Variants in SCFD2 observed in about 807,000 individuals in gnomAD.
SCFD2 encodes sec1 family domain-containing protein 2.
A neutral mutation model predicts 58.9 loss-of-function variants in SCFD2; 54 were observed. That is an observed-to-expected ratio of 0.92 (90% CI 0.74 to 1.15). The LOEUF (loss-of-function observed/expected upper bound fraction) is 1.15, where lower values mean the gene tolerates loss of function less well. Among genes scored for constraint, SCFD2 ranks in the 50% most tolerant of loss-of-function variants. The pLI, the probability that SCFD2 is intolerant of heterozygous loss-of-function variation, is 0.00. For missense variants in SCFD2, 805 were observed against 836.6 expected (o/e 0.96, Z 0.47); for synonymous variants, 321 against 335.9 (o/e 0.96, Z 0.49).
chr4:53,121,318 G>A (rs1725471468), intron 5 of SCFD2, among the ~76,000 whole-genome samples: 2 of 152,212 alleles, frequency 1.3e-5, no homozygotes, highest in South Asian at 4.1e-4. Context: ...CCTTCTAAGG[G>A]GCAACCATGA....
At chr4:53,160,466 G>A (rs1188279826) in intron 4 of SCFD2, among the ~76,000 whole-genome samples, 1 of 152,204 alleles carries the variant, frequency 6.6e-6, no homozygotes, top group African/African-American at 2.4e-5. Context: ...TTGCTAGACT[G>A]AATACGGAGT....
chr4:52,906,585 A>C (rs749127030), intron 7 of SCFD2, among the ~76,000 whole-genome samples: 2 of 152,218 alleles, frequency 1.3e-5, no homozygotes, highest in Non-Finnish European at 2.9e-5. Context: ...GAACAGCAGG[A>C]AGGAGACCTG....
intron 5 of SCFD2, among the ~76,000 whole-genome samples, chr4:52,928,831 A>T (rs1719922980): frequency 6.6e-6 from 1 of 152,198 alleles, no homozygotes; most frequent in Non-Finnish European, 1.5e-5. Flanking sequence ...AGCTCACAGA[A>T]GACACTCACT....
rs1274604135 is a variant in SCFD2 at position 53,145,327 on chromosome 4, A to C, written c.1561+6T>G. ...TTTGTGTCCTGTATCTTTGTTAGAC[A>C]CTCACCCGTAATTTTTTGCAGCAAA... On this transcript the variant is annotated splice_donor_region_variant and intron_variant, in intron 5 of 8. Coordinates refer to ENST00000401642, the MANE Select transcript of SCFD2 (RefSeq NM_152540.4). 3.1e-6 allele frequency: 5 copies of C among 1,613,532 alleles called. No homozygotes were observed. Among genetic ancestry groups the C allele is most frequent in the Non-Finnish European group, 4.2e-6 (5 of 1,179,872 alleles).
intron 1 of SCFD2, among the ~76,000 whole-genome samples, chr4:53,353,855 A>C (rs1364783510): frequency 7.1e-6 from 1 of 140,474 alleles, no homozygotes; most frequent in East Asian, 2.2e-4. Context: ...GACACAGAGC[A>C]CTGATTGGTG....
intron 1 of SCFD2, among the ~76,000 whole-genome samples, chr4:53,364,605 C>T (rs748927728): frequency 6.6e-6 from 1 of 152,158 alleles, no homozygotes; most frequent in Non-Finnish European, 1.5e-5. Flanking sequence ...TTACTAGTAA[C>T]ATTTAAGTTC....
intron 4 of SCFD2, among the ~76,000 whole-genome samples, chr4:53,148,425 A>T (rs1726402770): frequency 6.6e-6 from 1 of 152,218 alleles, no homozygotes. Flanking sequence ...ATCTGAATAC[A>T]AAGTCAGGAA....
At chr4:53,129,777 T>A (rs1480032573) in intron 5 of SCFD2, among the ~76,000 whole-genome samples, 1 of 152,222 alleles carries the variant, frequency 6.6e-6, no homozygotes, top group African/African-American at 2.4e-5. Flanking sequence ...AATGTTAGTT[T>A]TAATATTTTT....
intron 5 of SCFD2, among the ~76,000 whole-genome samples, chr4:53,102,413 A>G (rs72624189): frequency 0.34 from 51,961 of 151,958 alleles, 10,261 homozygotes; most frequent in Non-Finnish European, 0.42. Context: ...ATTTGACTAA[A>G]AAAAATTGAA....
chr4:53,222,452 A>G (rs1314198158), intron 4 of SCFD2, among the ~76,000 whole-genome samples: 1 of 152,224 alleles, frequency 6.6e-6, no homozygotes, highest in Non-Finnish European at 1.5e-5. Flanking sequence ...GTGCATGATA[A>G]ATTTAGAAAA....
At chr4:53,249,555 G>C (rs1158474589) in intron 4 of SCFD2, among the ~76,000 whole-genome samples, 1 of 152,190 alleles carries the variant, frequency 6.6e-6, no homozygotes, top group African/African-American at 2.4e-5. Flanking sequence ...CAGCCAGAGA[G>C]AAAGGTCAGG....
At chr4:53,237,240 T>C (rs1729655659) in intron 4 of SCFD2, among the ~76,000 whole-genome samples, 1 of 149,528 alleles carries the variant, frequency 6.7e-6, no homozygotes, top group Admixed American at 6.6e-5. Context: ...TGTCTACTTC[T>C]TTCTACACAG....
intron 5 of SCFD2, among the ~76,000 whole-genome samples, chr4:52,994,453 C>A (rs989872916): frequency 2.0e-5 from 3 of 152,168 alleles, no homozygotes; most frequent in Admixed American, 2.0e-4. Context: ...CATCGGTGCC[C>A]TCACCTGTCA....
At chr4:53,316,385 ATAAT>A (rs1256741981) in intron 2 of SCFD2, among the ~76,000 whole-genome samples, 2 of 152,212 alleles carry the variant, frequency 1.3e-5, no homozygotes, top group East Asian at 1.9e-4. Flanking sequence ...AACTGTGCAC[ATAAT>A]TAATGCTCTC....
chr4:52,957,054 G>A (rs11737476), intron 5 of SCFD2: 49,480 of 152,172 alleles, frequency 0.33, 9,022 homozygotes, highest in Admixed American at 0.46. Flanking sequence ...GCACACAAGA[G>A]AGGAGGGCAA....
rs555724530 is a variant in SCFD2 at position 53,278,472 on chromosome 4, G to T, written c.1136-4471C>A. ...CAGGAGAATCACTTGAACCTGGGAA[G>T]TGGCCAAGATCGTGCCACTGCACTC... On this transcript the variant is annotated intron_variant, in intron 3 of 8. Coordinates refer to ENST00000401642, the MANE Select transcript of SCFD2 (RefSeq NM_152540.4). Among the ~76,000 whole-genome samples, 4 of 151,606 alleles carry T rather than the reference G, an allele frequency of 2.6e-5. No homozygotes were observed. In the South Asian group the frequency reaches 8.3e-4, roughly 32 times the overall value.
intron 4 of SCFD2, among the ~76,000 whole-genome samples, chr4:53,220,810 G>C (rs2148994745): frequency 6.6e-6 from 1 of 152,296 alleles, no homozygotes; most frequent in African/African-American, 2.4e-5. Context: ...GAATTCCTCT[G>C]AGAAAATAAA....
intron 3 of SCFD2, among the ~76,000 whole-genome samples, chr4:53,297,195 T>C (rs1732068011): frequency 6.6e-6 from 1 of 152,188 alleles, no homozygotes; most frequent in African/African-American, 2.4e-5. Context: ...AATATCCTTG[T>C]GAATTTTCTG....
At chr4:53,275,303 T>C (rs1731296016) in intron 3 of SCFD2, among the ~76,000 whole-genome samples, 1 of 152,178 alleles carries the variant, frequency 6.6e-6, no homozygotes, top group Non-Finnish European at 1.5e-5. Flanking sequence ...AGATAAAGAA[T>C]GTTTAAGTTC....
Sources: gnomAD v4.1 joint callset for allele counts (sites outside exome capture counted in the v4.1 genomes callset) on GRCh38, gnomAD v4.1.1 for gene constraint, MANE v1.5 for transcripts, NCBI Gene and HGNC (gene_info 2026-07-23, HGNC 2026-07-21) for gene names.